The following TTC6 variants were observed in gnomAD, a reference collection of about 807,000 sequenced individuals.
The protein encoded by TTC6 is tetratricopeptide repeat domain 6, also known as tetratricopeptide repeat protein 6.
Under a neutral mutation model 210.4 loss-of-function variants are expected in TTC6, and 172 were observed. The observed-to-expected ratio is 0.82, with a 90% CI of 0.72 to 0.93. The LOEUF (loss-of-function observed/expected upper bound fraction) is 0.93. Among genes scored for constraint, TTC6 ranks in the 40% least tolerant of loss-of-function variants. The pLI, the probability that TTC6 is intolerant of heterozygous loss-of-function variation, is 0.00. For synonymous variants in TTC6, 804 were observed against 819.6 expected (o/e 0.98, Z 0.32); for missense variants, 2,414 against 2,318.1 (o/e 1.04, Z -0.85).
At chr14:37,839,853 G>C (rs1053879249) in intron 29 of TTC6, among the ~76,000 whole-genome samples, 9 of 152,132 alleles carry the variant, frequency 5.9e-5, no homozygotes, top group Non-Finnish European at 1.3e-4. Context: ...TCTAGTCTCA[G>C]CTTTCTGCAT....
chr14:37,611,991 GT>G (rs11385549), intron 2 of TTC6, among the ~76,000 whole-genome samples: 205 of 148,914 alleles, frequency 1.4e-3, no homozygotes, highest in Admixed American at 2.8e-3. Flanking sequence ...GAGATCAATA[GT>G]TTTTTTTTTT....
At chr14:37,841,873 A>G (rs1291760142) in intron 30 of TTC6, among the ~76,000 whole-genome samples, 1 of 152,226 alleles carries the variant, frequency 6.6e-6, no homozygotes, top group Non-Finnish European at 1.5e-5. Flanking sequence ...ACTGAGATAT[A>G]GGGAATTATT....
intron 5 of TTC6, among the ~76,000 whole-genome samples, chr14:37,713,796 A>G (rs1425501418): frequency 6.6e-6 from 1 of 152,148 alleles, no homozygotes; most frequent in East Asian, 1.9e-4. Flanking sequence ...ATTTCAGTAT[A>G]TTATTAAACA....
intron 29 of TTC6, among the ~76,000 whole-genome samples, chr14:37,830,095 G>T (rs1186175301): frequency 1.3e-5 from 2 of 151,952 alleles, no homozygotes; most frequent in African/African-American, 4.8e-5. Context: ...ATAGCTGTTT[G>T]CCTGTAGCCT....
chr14:37,821,609 T>C lies in TTC6; in HGVS notation c.4764-2138T>C, dbSNP rs146780559. Reference sequence around the variant, plus strand: ...CTGTTGCACCACATTTGGGAAAACATGGAGCAAGTATTGCATGTACCTGTT... The same window carrying C: ...CTGTTGCACCACATTTGGGAAAACACGGAGCAAGTATTGCATGTACCTGTT... On this transcript the variant is annotated intron_variant, in intron 26 of 30. Coordinates refer to ENST00000553443, the Ensembl canonical transcript of TTC6. Among the ~76,000 whole-genome samples the C allele has an allele frequency of 4.6e-5, 7 of 152,186 alleles. No homozygotes were observed. The East Asian group carries it at 1.2e-3, about 25-fold the overall frequency.
intron 8 of TTC6, 100 bp downstream of exon 10, chr14:37,736,110 G>T: frequency 1.5e-6 from 1 of 674,924 alleles, no homozygotes. Context: ...TTGGGGCCAG[G>T]CATGGTGGCT....
At chr14:37,738,808 G>A in exon 10 of TTC6, 2 of 1,519,050 alleles carry the variant, frequency 1.3e-6, no homozygotes, top group Non-Finnish European at 1.8e-6. Context: ...TGAGGAAGGA[G>A]AAGATCATAG....
intron 29 of TTC6, among the ~76,000 whole-genome samples, chr14:37,833,898 CTTTG>C (rs2096191853): frequency 2.0e-5 from 3 of 152,246 alleles, no homozygotes; most frequent in Middle Eastern, 6.8e-3. Flanking sequence ...TTTCCTCAGT[CTTTG>C]TTTGTCTGGG....
At position 37,633,755 on chromosome 14, in the gene TTC6, A is replaced by G. The variant is rs527411825; in HGVS notation, c.939+10752A>G. ...TCGCTCCCTCTTCCCTCTGGTGTCA[A>G]TGGAGGCCATGTGGAGAACAGTAAT... is the stretch of plus-strand genomic sequence containing the variant. On this transcript the variant is annotated intron_variant, in intron 1 of 30. Transcript: ENST00000553443. 3.3e-5 allele frequency among the ~76,000 whole-genome samples: 5 copies of G among 152,248 alleles called. No homozygotes were observed. In the South Asian group the frequency reaches 6.2e-4, roughly 19 times the overall value.
chr14:37,806,649 C>A, intron 22 of TTC6, 139 bp downstream of exon 24: 1 of 795,306 alleles, frequency 1.3e-6, no homozygotes, highest in Non-Finnish European at 1.9e-6. Context: ...TTTCATAATC[C>A]AAATAGCTGT....
chr14:37,790,934 C>T (rs769483316), intron 16 of TTC6, 97 bp downstream of exon 18: 4 of 1,064,744 alleles, frequency 3.8e-6, no homozygotes, highest in Non-Finnish European at 5.2e-6. Context: ...CATTGATAAC[C>T]TAGAAAAAAT....
intron 1 of TTC6, among the ~76,000 whole-genome samples, chr14:37,644,650 G>A (rs1055807919): frequency 3.9e-5 from 6 of 152,320 alleles, no homozygotes; most frequent in Admixed American, 2.6e-4. Flanking sequence ...TACACCTTGT[G>A]TAGAGACTCT....
intron 29 of TTC6, among the ~76,000 whole-genome samples, chr14:37,830,932 A>G (rs1045101572): frequency 6.6e-6 from 1 of 152,124 alleles, no homozygotes; most frequent in African/African-American, 2.4e-5. Flanking sequence ...TTTCTTTATG[A>G]TGAGAATATT....
At chr14:37,690,367 C>T (rs1445830586) in intron 3 of TTC6, among the ~76,000 whole-genome samples, 5 of 151,628 alleles carry the variant, frequency 3.3e-5, no homozygotes, top group Non-Finnish European at 5.9e-5. Context: ...AAGAGAAAGT[C>T]CTTACTCATC....
At chr14:37,715,736 C>T (rs1249769674) in intron 6 of TTC6, among the ~76,000 whole-genome samples, 1 of 152,060 alleles carries the variant, frequency 6.6e-6, no homozygotes, top group Non-Finnish European at 1.5e-5. Flanking sequence ...TTCCAGAATC[C>T]TACATCCAGA....
chr14:37,629,988 G>A (rs1258557969), intron 1 of TTC6, among the ~76,000 whole-genome samples: 1 of 152,068 alleles, frequency 6.6e-6, no homozygotes, highest in Non-Finnish European at 1.5e-5. Context: ...GCTCTTTGAT[G>A]TGCTGCTGGA....
At chr14:37,602,001 A>G (rs2095616411) in intron 1 of TTC6, among the ~76,000 whole-genome samples, 1 of 152,374 alleles carries the variant, frequency 6.6e-6, no homozygotes, top group South Asian at 2.1e-4. Flanking sequence ...AAACAAATAA[A>G]GCCGAGCCCA....
intron 10 of TTC6, 143 bp downstream of exon 12, chr14:37,739,298 T>G (rs1238997760): frequency 3.4e-6 from 3 of 890,726 alleles, no homozygotes; most frequent in African/African-American, 1.7e-5. Context: ...AACCTCTGGC[T>G]GGGCGCCGTG....
chr14:37,629,598 T>C (rs953763101), intron 1 of TTC6, among the ~76,000 whole-genome samples: 5 of 152,206 alleles, frequency 3.3e-5, no homozygotes, highest in African/African-American at 4.8e-5. Flanking sequence ...CACACTTTAT[T>C]TCTTTCTCTT....
Sources: gnomAD v4.1 joint callset for allele counts (sites outside exome capture counted in the v4.1 genomes callset) on GRCh38, gnomAD v4.1.1 for gene constraint, MANE v1.5 for transcripts, NCBI Gene and HGNC (gene_info 2026-07-23, HGNC 2026-07-21) for gene names.